DNM3: variants seen among roughly 807,000 people sequenced by gnomAD.
The protein encoded by DNM3 is dynamin 3.
Under a neutral mutation model 101.6 loss-of-function variants are expected in DNM3, and 47 were observed. The ratio of observed to expected loss-of-function variants is 0.46; its 90% CI spans 0.37 to 0.59. DNM3 has a LOEUF of 0.59. Among genes scored for constraint, DNM3 ranks in the 20% least tolerant of loss-of-function variants. DNM3 has a pLI of 0.00. For missense variants in DNM3, 849 were observed against 1,085.7 expected (o/e 0.78, Z 3.06); for synonymous variants, 385 against 387.9 (o/e 0.99, Z 0.09).
intron 14 of DNM3, among the ~76,000 whole-genome samples, chr1:172,177,850 T>A (rs2059207713): frequency 6.6e-6 from 1 of 151,942 alleles, no homozygotes; most frequent in Non-Finnish European, 1.5e-5. Context: ...ACATCCTCAG[T>A]ATTATCCTGT....
chr1:171,962,952 T>G (rs1453416240), intron 2 of DNM3, among the ~76,000 whole-genome samples: 1 of 152,166 alleles, frequency 6.6e-6, no homozygotes, highest in Non-Finnish European at 1.5e-5. Flanking sequence ...GCAAAAACAG[T>G]ACAGCCACTT....
chr1:172,178,299 C>T (rs1014609087), intron 14 of DNM3, among the ~76,000 whole-genome samples: 128 of 152,068 alleles, frequency 8.4e-4, no homozygotes, highest in African/African-American at 2.8e-3. Context: ...ATCCATCCAA[C>T]ACACTGGTGT....
At position 172,000,572 on chromosome 1, in the gene DNM3, G is replaced by A. The variant is rs80092021; in HGVS notation, c.589+11424G>A. Among the ~76,000 whole-genome samples, 117 of 152,166 alleles carry A rather than the reference G, an allele frequency of 7.7e-4. 4 individuals carry two copies. In the East Asian group the frequency reaches 0.021, roughly 27 times the overall value. Reference sequence around the variant, plus strand: ...AGCTCCTGATTCCTTTCCATCCACTGCTGGAAGATTCAGTAGTAAACAGAA... The same window carrying A: ...AGCTCCTGATTCCTTTCCATCCACTACTGGAAGATTCAGTAGTAAACAGAA... On this transcript the variant is annotated intron_variant, in intron 4 of 20. Coordinates refer to ENST00000627582, the MANE Select transcript of DNM3 (RefSeq NM_015569.5).
At chr1:172,219,091 G>A (rs1318085305) in intron 14 of DNM3, among the ~76,000 whole-genome samples, 1 of 152,074 alleles carries the variant, frequency 6.6e-6, no homozygotes, top group African/African-American at 2.4e-5. Flanking sequence ...AATGGCTCAT[G>A]CCTGTAATCG....
At chr1:171,908,604 A>G (rs2039023441) in intron 1 of DNM3, among the ~76,000 whole-genome samples, 1 of 152,122 alleles carries the variant, frequency 6.6e-6, no homozygotes, top group African/African-American at 2.4e-5. Context: ...GACAGTGAAG[A>G]ATAATATTCA....
intron 14 of DNM3, among the ~76,000 whole-genome samples, chr1:172,164,217 ATTTTC>A (rs1445214485): frequency 1.2e-4 from 14 of 121,234 alleles, no homozygotes; most frequent in African/African-American, 3.4e-4. Flanking sequence ...TTCTCTCTCT[ATTTTC>A]TTTTCTTTTC....
At chr1:172,056,273 C>G (rs4489594) in intron 10 of DNM3, among the ~76,000 whole-genome samples, 52,684 of 152,030 alleles carry the variant, frequency 0.35, 9,989 homozygotes, top group East Asian at 0.69. Context: ...GGGAGGGGCA[C>G]CCGACATTGC....
At chr1:171,899,895 T>A (rs2038150187) in intron 1 of DNM3, among the ~76,000 whole-genome samples, 1 of 152,198 alleles carries the variant, frequency 6.6e-6, no homozygotes, top group Non-Finnish European at 1.5e-5. Context: ...TCCTAGGGGT[T>A]GACACCTGAG....
At chr1:172,155,598 A>G (rs972246830) in intron 14 of DNM3, among the ~76,000 whole-genome samples, 1 of 152,084 alleles carries the variant, frequency 6.6e-6, no homozygotes, top group East Asian at 1.9e-4. Flanking sequence ...ATATCTATGG[A>G]AAGTGCCATT....
At chr1:172,183,528 C>T (rs1662672) in intron 14 of DNM3, among the ~76,000 whole-genome samples, 2 of 152,052 alleles carry the variant, frequency 1.3e-5, no homozygotes, top group African/African-American at 4.8e-5. Flanking sequence ...TGTGCTTGGT[C>T]TGGCAGATGA....
chr1:172,045,342 G>A (rs2049706697), intron 9 of DNM3, among the ~76,000 whole-genome samples: 1 of 152,124 alleles, frequency 6.6e-6, no homozygotes, highest in Non-Finnish European at 1.5e-5. Flanking sequence ...AAAATCCTAG[G>A]TCAGGGTGTG....
chr1:171,902,879 T>C (rs1450103836), intron 1 of DNM3, among the ~76,000 whole-genome samples: 1 of 152,036 alleles, frequency 6.6e-6, no homozygotes, highest in Non-Finnish European at 1.5e-5. Context: ...TGTTAAAGGG[T>C]TGAACTCTCA....
intron 13 of DNM3, among the ~76,000 whole-genome samples, chr1:172,110,048 A>G (rs1380547426): frequency 1.3e-5 from 2 of 152,220 alleles, no homozygotes; most frequent in Non-Finnish European, 2.9e-5. Flanking sequence ...GTTACTCCTC[A>G]GCTTTCAACC....
chr1:172,089,202 AT>A (rs2053740783), intron 12 of DNM3, among the ~76,000 whole-genome samples: 1 of 152,066 alleles, frequency 6.6e-6, no homozygotes, highest in African/African-American at 2.4e-5. Context: ...TTTATTTGTT[AT>A]TTTTGTTTTG....
At chr1:171,906,435 CTT>C (rs574089410) in intron 1 of DNM3, among the ~76,000 whole-genome samples, 3 of 145,344 alleles carry the variant, frequency 2.1e-5, no homozygotes, top group African/African-American at 2.5e-5. Context: ...ACCAACAAAA[CTT>C]TTTTTTTTTT....
rs185482894 is a variant in DNM3 at position 172,029,399 on chromosome 1, C to T, written c.590-3003C>T. On this transcript the variant is annotated intron_variant, in intron 4 of 20. Coordinates refer to ENST00000627582, the MANE Select transcript of DNM3 (RefSeq NM_015569.5). ...CTCAATAAACTAGGTATTGATGGAA[C>T]GTATCTCAAAATAATAAGAGCTATT... Among the ~76,000 whole-genome samples, 330 of 152,234 alleles carry T rather than the reference C, an allele frequency of 2.2e-3. 1 individual carries two copies. The highest frequency in any genetic ancestry group is 4.0e-3 in the East Asian group (21 of 5,186).
intron 2 of DNM3, among the ~76,000 whole-genome samples, chr1:171,922,077 A>G (rs981140163): frequency 3.3e-5 from 5 of 152,010 alleles, no homozygotes; most frequent in Non-Finnish European, 7.4e-5. Flanking sequence ...ATCCATCTAT[A>G]TAATTTTACA....
chr1:171,863,451 G>A (rs559149705), intron 1 of DNM3, among the ~76,000 whole-genome samples: 1 of 152,112 alleles, frequency 6.6e-6, no homozygotes, highest in Admixed American at 6.5e-5. Flanking sequence ...AAGACTATTT[G>A]AGGAAATGGG....
intron 18 of DNM3, among the ~76,000 whole-genome samples, chr1:172,383,126 A>T (rs2069004557): frequency 6.6e-6 from 1 of 150,546 alleles, no homozygotes; most frequent in African/African-American, 2.4e-5. Context: ...TGCTCAAGAA[A>T]AAGATCACGA....
Sources: gnomAD v4.1 joint callset for allele counts (sites outside exome capture counted in the v4.1 genomes callset) on GRCh38, gnomAD v4.1.1 for gene constraint, MANE v1.5 for transcripts, NCBI Gene and HGNC (gene_info 2026-07-23, HGNC 2026-07-21) for gene names.